Variants in KIFC2 observed in about 807,000 individuals in gnomAD.
KIFC2 encodes kinesin-like protein KIFC2.
A neutral mutation model predicts 91.5 loss-of-function variants in KIFC2; 94 were observed. That is an observed-to-expected ratio of 1.03 (90% CI 0.87 to 1.22). KIFC2 has a LOEUF of 1.22. Among genes scored for constraint, KIFC2 ranks in the 50% most tolerant of loss-of-function variants. KIFC2 has a pLI of 0.00. For synonymous variants in KIFC2, 729 were observed against 503.9 expected, an observed-to-expected ratio of 1.45 and a Z score of -5.98; for missense variants, 1,357 against 1,103.3, an observed-to-expected ratio of 1.23 and a Z score of -3.26.
At chr8:144,473,089 C>T (rs1328577011) in intron 17 of KIFC2, 38 bp downstream of exon 17, 13 of 1,531,662 alleles carry the variant, frequency 8.5e-6, no homozygotes, top group Middle Eastern at 2.3e-4. Flanking sequence ...GCGTGCCGGT[C>T]GCCGCCCACC....
At chr8:144,467,693 G>A (rs1824738749) in intron 5 of KIFC2, 21 bp from the exon 6 acceptor site, 2 of 1,613,166 alleles carry the variant, frequency 1.2e-6, no homozygotes, top group Middle Eastern at 1.7e-4. Context: ...GGTCCACCCT[G>A]TCTCTCTTAC....
At chr8:144,472,077 G>A (rs751058710) in intron 13 of KIFC2, 31 bp downstream of exon 13, 3 of 1,613,040 alleles carry the variant, frequency 1.9e-6, no homozygotes, top group East Asian at 4.5e-5. Flanking sequence ...CAGTGGGAGA[G>A]GCCCCAGGGG....
rs754354946 is a variant in KIFC2 at position 144,472,665 on chromosome 8, C to A, written c.1820C>A (p.Thr607Lys). 6.9e-6 allele frequency: 11 copies of A among 1,597,386 alleles called. No individual in the cohort carries two copies. ...SSRSHALVTL[T>K]LRAASPPRAP... ...CGCTCGCATGCCCTGGTCACGCTGA[C>A]GCTGCGCGCGGCGTCTCCACCGCGC... Residue 607 changes from threonine (T) to lysine (K), a missense_variant, in exon 16 of 18, where the codon ACG becomes AAG. By Grantham distance (78) the Thr-to-Lys change is moderately conservative (BLOSUM62 -1). Transcript: ENST00000645548.
In KIFC2 at chr8:144,472,587, T is replaced by G. The variant is rs751693804; in HGVS notation, c.1742T>G (p.Leu581Arg). The G allele has an allele frequency of 6.8e-6, 11 of 1,610,110 alleles. No homozygotes were observed. Among genetic ancestry groups the G allele is most frequent in the Non-Finnish European group, 9.3e-6 (11 of 1,179,780 alleles). ...NLETLHQMLK[L>R]GRSNRATAAT... Reference sequence around the variant, plus strand: ...CGCCCCGCCTTCCAGATGCTGAAACTGGGGAGGAGCAACCGGGCCACCGCC... The same window carrying G: ...CGCCCCGCCTTCCAGATGCTGAAACGGGGGAGGAGCAACCGGGCCACCGCC... The change falls in exon 16 of 18, where the codon CTG (leucine) becomes CGG (arginine). Residue 581 changes from leucine to arginine, a missense_variant. Transcript: ENST00000645548.
rs898567839 is a variant in KIFC2 at position 144,467,092 on chromosome 8, C to T, written c.312C>T (p.Gly104=). 1.3e-6 allele frequency: 2 copies of T among 1,598,488 alleles called. No homozygotes were observed. Among genetic ancestry groups the T allele is most frequent in the Admixed American group, 1.7e-5 (1 of 58,412 alleles). ...TGGGGGCGGAAGAGAGCTGCGGGGGCCCGGCGGACCTGGGCCAGGTGAGCG... is the reference window on the plus strand; with the variant it reads ...TGGGGGCGGAAGAGAGCTGCGGGGGTCCGGCGGACCTGGGCCAGGTGAGCG... ...VQLGAEESCG[G]PADLGQSGEV... Residue 104 remains glycine (G), a synonymous_variant, in exon 3 of 18, where the codon GGC becomes GGT. Transcript: ENST00000645548.
chr8:144,473,317 C>A lies in KIFC2; in HGVS notation c.2304C>A (p.Gly768=). 1 of 1,602,518 alleles carries A rather than the reference C, an allele frequency of 6.2e-7. No individual in the cohort carries two copies. The highest frequency in any genetic ancestry group is 8.5e-7 in the Non-Finnish European group (1 of 1,175,962). The change falls in exon 18 of 18, where the codon GGC becomes GGA. Residue 768 remains glycine (G), a synonymous_variant. Transcript: ENST00000645548. The part of the protein sequence containing the change: ...GTPCTPTPSP[G]SPPCPSPDNG... ...CCTGCACCCCTACGCCGTCCCCTGG[C>A]AGTCCTCCATGCCCCAGTCCCGACA...
In KIFC2 at chr8:144,473,004, C is replaced by A; in HGVS notation, c.2071C>A (p.Leu691Met). Residue 691 changes from leucine to methionine, a missense_variant, in exon 17 of 18, where the codon CTG becomes ATG. Transcript: ENST00000645548. The part of the protein sequence containing the change: ...PFRDSQLTRL[L>M]QPALGPGTTA... ...CCGCGACTCGCAGCTCACGCGACTG[C>A]TGCAGCCGGCGCTGGGCCCAGGCAC... is the stretch of plus-strand genomic sequence containing the variant. 1 of 1,429,126 alleles carries A rather than the reference C, an allele frequency of 7.0e-7. No homozygotes were observed. Among genetic ancestry groups the A allele is most frequent in the Admixed American group, 3.0e-5 (1 of 32,858 alleles). 88.5% of individuals were successfully genotyped at this position (1,429,126 alleles called of 1,614,324 possible).
rs566652240 is a variant in KIFC2 at position 144,467,300 on chromosome 8, G to A, written c.428G>A (p.Gly143Glu). ...AGGGGGAGGCAGGCCCTGCTCCAGG[G>A]GACTCAGCCAGCCCCTCGGGTCCGG... is the stretch of plus-strand genomic sequence containing the variant. ...SPRGRQALLQ[G>E]TQPAPRVRPP... The change falls in exon 4 of 18, where the codon GGG becomes GAG. Residue 143 changes from glycine (G) to glutamate (E), a missense_variant. Physicochemically the swap from Gly to Glu is moderately conservative, Grantham distance 98. Transcript: ENST00000645548. 6.2e-7 allele frequency: 1 copy of A among 1,612,694 alleles called. No homozygotes were observed. The highest frequency in any genetic ancestry group is 1.3e-5 in the African/African-American group (1 of 74,932).
Position 144,468,420 on chromosome 8 carries a change from C to T in KIFC2, c.888+14C>T, listed in dbSNP as rs369055241. The stretch of plus-strand genomic sequence containing the variant: ...CTCCGAGCCCAGGTGGGCATGGGGC[C>T]CAGGGATCCATGGCTCAGGGGTGAG... On this transcript the variant is annotated intron_variant, in intron 8 of 17. Transcript: ENST00000645548. The T allele has an allele frequency of 6.2e-6, 10 of 1,611,296 alleles. No homozygotes were observed. Among genetic ancestry groups the T allele is most frequent in the Non-Finnish European group, 6.8e-6 (8 of 1,179,282 alleles).
intron 7 of KIFC2, 71 bp from the exon 8 acceptor site, chr8:144,468,258 C>A: frequency 7.1e-7 from 1 of 1,406,718 alleles, no homozygotes; most frequent in Non-Finnish European, 9.9e-7. Context: ...CTTGACTTGA[C>A]TTTCCCATCT....
Position 144,468,631 on chromosome 8 carries a change from G to C in KIFC2, c.984G>C (p.Gln328His). 2 of 1,613,558 alleles carry C rather than the reference G, an allele frequency of 1.2e-6. No individual in the cohort carries two copies. The highest frequency in any genetic ancestry group is 2.2e-5 in the South Asian group (2 of 91,060). ...AGAACTGCAGGCGTGAGCTACAGCA[G>C]ATGCATGGGCAGCTGGCAGGTAAGG... is the stretch of plus-strand genomic sequence containing the variant. ...TEQNCRRELQ[Q>H]MHGQLAGLRA... The change falls in exon 9 of 18, where the codon CAG (glutamine) becomes CAC (histidine). Residue 328 changes from glutamine (Q) to histidine (H), a missense_variant. By Grantham distance (24) the Gln-to-His change is conservative (BLOSUM62 0). Coordinates refer to ENST00000645548, the MANE Select transcript of KIFC2 (RefSeq NM_001369769.2).
At position 144,466,362 on chromosome 8, in the gene KIFC2, T is replaced by G; in HGVS notation, c.-58T>G. The G allele has an allele frequency of 4.4e-6, 3 of 676,716 alleles. No individual in the cohort carries two copies. Among genetic ancestry groups the G allele is most frequent in the Non-Finnish European group, 5.9e-6 (3 of 510,256 alleles). The allele number at this position is 676,716 out of a possible 1,614,324, so 41.9% of individuals were successfully genotyped here. A position where few individuals can be genotyped will look rare whatever the true frequency, so the allele number is the denominator to read the frequency against. On this transcript the variant is annotated 5_prime_UTR_variant, in exon 1 of 18. Transcript: ENST00000645548. Reference sequence around the variant, plus strand: ...GGCACTGCGGCGGGCGGGCGCCGAGTCTGGGCGCGGGGACGCGGGGCGGCG... The same window carrying G: ...GGCACTGCGGCGGGCGGGCGCCGAGGCTGGGCGCGGGGACGCGGGGCGGCG...
rs776463889 is a variant in KIFC2 at position 144,472,967 on chromosome 8, G to A, written c.2034G>A (p.Pro678=). 2.1e-6 allele frequency: 3 copies of A among 1,460,470 alleles called. No individual in the cohort carries two copies. The highest frequency in any genetic ancestry group is 2.6e-5 in the Admixed American group (1 of 38,434). The allele number at this position is 1,460,470 out of a possible 1,614,324, so 90.5% of individuals were successfully genotyped here. ...TGGCCGCACTGCGGGCCCACCGGCCGCACGTGCCCTTCCGCGACTCGCAGC... is the reference window on the plus strand; with the variant it reads ...TGGCCGCACTGCGGGCCCACCGGCCACACGTGCCCTTCCGCGACTCGCAGC... ...GVMAALRAHR[P]HVPFRDSQLT... is the part of the protein sequence containing the mutation. The change falls in exon 17 of 18, where the codon CCG becomes CCA. Residue 678 remains proline, a synonymous_variant. Coordinates refer to ENST00000645548, the MANE Select transcript of KIFC2 (RefSeq NM_001369769.2).
intron 14 of KIFC2, 49 bp downstream of exon 14, chr8:144,472,308 C>T (rs1437606504): frequency 9.9e-6 from 16 of 1,613,476 alleles, no homozygotes; most frequent in Non-Finnish European, 1.3e-5. Context: ...GGCCCAGGGC[C>T]CTTCCGGATT....
In KIFC2 at chr8:144,467,017, G is replaced by T. The variant is rs1246565056; in HGVS notation, c.237G>T (p.Val79=). ...EGAAEGRAAA[V]SLEEALLRLA... ...CAGCCGAGGGCCGCGCGGCCGCGGT[G>T]TCCCTGGAAGAGGCCCTACTGCGCC... Residue 79 remains valine (V), a synonymous_variant, in exon 3 of 18, where the codon GTG becomes GTT. Transcript: ENST00000645548. 1.3e-6 allele frequency: 2 copies of T among 1,596,566 alleles called. No individual in the cohort carries two copies. Among genetic ancestry groups the T allele is most frequent in the Non-Finnish European group, 1.7e-6 (2 of 1,174,626 alleles).
At position 144,472,622 on chromosome 8, in the gene KIFC2, A is replaced by G. The variant is rs1406483742; in HGVS notation, c.1777A>G (p.Met593Val). The G allele has an allele frequency of 1.9e-6, 3 of 1,604,878 alleles. 1 individual carries two copies. Among genetic ancestry groups the G allele is most frequent in the South Asian group, 2.2e-5 (2 of 91,074 alleles). ...RSNRATAATA[M>V]NQRSSRSHAL... is the part of the protein sequence containing the mutation. ...CAACCGGGCCACCGCCGCCACCGCC[A>G]TGAACCAGCGCAGCTCCCGCTCGCA... Residue 593 changes from methionine to valine, a missense_variant, in exon 16 of 18, where the codon ATG becomes GTG. Coordinates refer to ENST00000645548, the MANE Select transcript of KIFC2 (RefSeq NM_001369769.2).
chr8:144,472,535 C>T, intron 15 of KIFC2, 42 bp from the exon 16 acceptor site: 3 of 1,611,712 alleles, frequency 1.9e-6, no homozygotes, highest in East Asian at 4.5e-5. Flanking sequence ...CACTTGGGGG[C>T]GGGGACCCTG....
chr8:144,466,413 C>T lies in KIFC2; in HGVS notation c.-7C>T, dbSNP rs774667923. 2 of 1,279,236 alleles carry T rather than the reference C, an allele frequency of 1.6e-6. No homozygotes were observed. The highest frequency in any genetic ancestry group is 7.4e-5 in the East Asian group (2 of 26,968). 79.2% of individuals were successfully genotyped at this position (1,279,236 alleles called of 1,614,324 possible). A position where few individuals can be genotyped will look rare whatever the true frequency, so the allele number is the denominator to read the frequency against. On this transcript the variant is annotated 5_prime_UTR_variant, in exon 1 of 18. Transcript: ENST00000645548. ...CGAAGCGGGGCCCTCTGCCGCCCCG[C>T]GCTCCCATGTACGCCTTTTACTCGT... is the stretch of plus-strand genomic sequence containing the variant.
rs752027999 is a variant in KIFC2 at position 144,473,300 on chromosome 8, C to G, written c.2287C>G (p.Pro763Ala). 8.1e-6 allele frequency: 13 copies of G among 1,605,130 alleles called. No individual in the cohort carries two copies. Among genetic ancestry groups the G allele is most frequent in the Admixed American group, 1.7e-5 (1 of 59,342 alleles). Residue 763 changes from proline to alanine, a missense_variant, in exon 18 of 18, where the codon CCT becomes GCT. Coordinates refer to ENST00000645548, the MANE Select transcript of KIFC2 (RefSeq NM_001369769.2). ...DTPLTGTPCT[P>A]TPSPGSPPCP... ...TCCGCTCACCGGGACCCCCTGCACC[C>G]CTACGCCGTCCCCTGGCAGTCCTCC...
Sources: allele counts gnomAD v4.1 joint callset, GRCh38; gene constraint gnomAD v4.1.1; transcripts MANE v1.5; gene names NCBI Gene and HGNC (gene_info 2026-07-23, HGNC 2026-07-21).